Variants in AKT3 observed in about 807,000 individuals in gnomAD.
The protein encoded by AKT3 is RAC-gamma serine/threonine-protein kinase.
In AKT3, 15 loss-of-function variants were observed where a neutral mutation model predicts 65.3. That is an observed-to-expected ratio of 0.23 (90% CI 0.15 to 0.35). The LOEUF (loss-of-function observed/expected upper bound fraction) is 0.35, where lower values mean the gene tolerates loss of function less well. Among genes scored for constraint, AKT3 ranks in the 10% least tolerant of loss-of-function variants. The pLI, the probability that AKT3 is intolerant of heterozygous loss-of-function variation, is 1.00. For missense variants in AKT3, 243 were observed against 576.5 expected, an observed-to-expected ratio of 0.42 and a Z score of 5.92; for synonymous variants, 206 against 183.8, an observed-to-expected ratio of 1.12 and a Z score of -0.98.
intron 9 of AKT3, 108 bp downstream of exon 9, chr1:243,572,818 C>G: frequency 8.3e-7 from 1 of 1,204,580 alleles, no homozygotes; most frequent in Non-Finnish European, 1.1e-6. Context: ...GTGCTTTTTT[C>G]CCAACTAAAT....
At chr1:243,685,283 T>C (rs1161991114) in intron 3 of AKT3, among the ~76,000 whole-genome samples, 1 of 152,230 alleles carries the variant, frequency 6.6e-6, no homozygotes. Context: ...TTTATGGTTT[T>C]ACAGTTTTAG....
intron 2 of AKT3, among the ~76,000 whole-genome samples, chr1:243,720,875 T>G (rs1185172799): frequency 6.6e-6 from 1 of 152,150 alleles, no homozygotes; most frequent in African/African-American, 2.4e-5. Flanking sequence ...TTTAAAGTAC[T>G]TGCCACACCA....
At position 243,566,654 on chromosome 1, in the gene AKT3, T is replaced by A. The variant is rs1024986839; in HGVS notation, c.820-2806A>T. ...TGAGCTTTATCCCTTATTCACTGTGTGACCTTGGGCATATTATTAATTTCT... is the reference window on the plus strand; with the variant it reads ...TGAGCTTTATCCCTTATTCACTGTGAGACCTTGGGCATATTATTAATTTCT... On this transcript the variant is annotated intron_variant, in intron 9 of 13. Coordinates refer to ENST00000673466, the MANE Select transcript of AKT3 (RefSeq NM_005465.7). 2.0e-5 allele frequency among the ~76,000 whole-genome samples: 3 copies of A among 152,174 alleles called. No individual in the cohort carries two copies. In the East Asian group the frequency reaches 5.8e-4, roughly 29 times the overall value.
At chr1:243,547,127 T>C (rs1010937018) in intron 11 of AKT3, among the ~76,000 whole-genome samples, 14 of 151,742 alleles carry the variant, frequency 9.2e-5, no homozygotes, top group Admixed American at 5.9e-4. Context: ...TCATAGTATT[T>C]GCCAATTCTG....
chr1:243,744,333 GT>G (rs1286292594), intron 2 of AKT3, among the ~76,000 whole-genome samples: 1 of 152,250 alleles, frequency 6.6e-6, no homozygotes, highest in East Asian at 1.9e-4. Flanking sequence ...TGGTAATATT[GT>G]TTTTTAAATA....
chr1:243,813,482 T>C (rs1232835234), intron 2 of AKT3, among the ~76,000 whole-genome samples: 1 of 145,698 alleles, frequency 6.9e-6, no homozygotes, highest in Non-Finnish European at 1.5e-5. Context: ...CAAACGCCTA[T>C]GGAAATAAAA....
At chr1:243,626,249 T>C (rs1421518982) in intron 6 of AKT3, among the ~76,000 whole-genome samples, 4 of 152,136 alleles carry the variant, frequency 2.6e-5, no homozygotes, top group African/African-American at 9.7e-5. Context: ...CACAAGTGAA[T>C]GGGTAACACA....
chr1:243,850,412 A>G (rs1009389534), upstream of AKT3, among the ~76,000 whole-genome samples: 27 of 150,808 alleles, frequency 1.8e-4, no homozygotes, highest in African/African-American at 6.3e-4. Flanking sequence ...ATTCATCACC[A>G]GAAAACACCG....
At chr1:243,649,311 A>ATATGTGTGTGTGTGTGTGTGTGTGTG (rs1681089763) in intron 4 of AKT3, among the ~76,000 whole-genome samples, 1 of 58,352 alleles carries the variant, frequency 1.7e-5, no homozygotes, top group Non-Finnish European at 4.8e-5. Flanking sequence ...TGTTATGTGT[A>ATATGTGTGTGTGTGTGTGTGTGTGTG]TATGTGTGTG....
At chr1:243,793,861 T>C (rs2148344446) in intron 2 of AKT3, among the ~76,000 whole-genome samples, 1 of 152,206 alleles carries the variant, frequency 6.6e-6, no homozygotes, top group Non-Finnish European at 1.5e-5. Flanking sequence ...TCATCTACTT[T>C]AACATCCATT....
chr1:243,616,559 A>G (rs944956989), intron 6 of AKT3, among the ~76,000 whole-genome samples: 42 of 152,176 alleles, frequency 2.8e-4, no homozygotes, highest in Admixed American at 2.2e-3. Context: ...TGAAACGAAC[A>G]CAGCATCTCT....
intron 2 of AKT3, among the ~76,000 whole-genome samples, chr1:243,775,004 A>C (rs1381725670): frequency 6.6e-6 from 1 of 152,182 alleles, no homozygotes; most frequent in Non-Finnish European, 1.5e-5. Context: ...CTAGGACTAC[A>C]GGTGTGTGCC....
At chr1:243,815,776 A>AGTTGTTGTTGTTGTT (rs145906932) in intron 2 of AKT3, among the ~76,000 whole-genome samples, 2,994 of 147,106 alleles carry the variant, frequency 0.02, 48 homozygotes, top group Middle Eastern at 0.038. Flanking sequence ...ACACCCAGCT[A>AGTTGTTGTTGTTGTT]GTTGTTGTTG....
In AKT3 at chr1:243,580,400, AG is replaced by A. The variant is rs767042323; in HGVS notation, c.697-7353del. ...GGCCTGGAGTCACTGTGACGGAAAA[AG>A]CTGAAGGCATTTTTCCAGACCCGGG... On this transcript the variant is annotated intron_variant, in intron 8 of 13. Coordinates refer to ENST00000673466, the MANE Select transcript of AKT3 (RefSeq NM_005465.7). Among the ~76,000 whole-genome samples, 11 of 152,278 alleles carry A rather than the reference AG, an allele frequency of 7.2e-5. No individual in the cohort carries two copies. The East Asian group carries it at 9.6e-4, about 13-fold the overall frequency.
rs757338728 is a variant in AKT3, at chr1:243,512,342, T to C, written c.1336A>G (p.Ile446Val). 3.9e-5 allele frequency: 60 copies of C among 1,536,452 alleles called. No individual in the cohort carries two copies. Among genetic ancestry groups the C allele is most frequent in the Non-Finnish European group, 5.2e-5 (59 of 1,130,218 alleles). ...TACTTACATTTTTCAGGTGGTGTTA[T>C]TGTAATAGTCTGAGCTGTAAATTCT... ...DEEFTAQTITITPPEKYDEDG... is the reference protein window; with the variant it reads ...DEEFTAQTITVTPPEKYDEDG... The change falls in exon 13 of 14, where the codon ATA becomes GTA. Residue 446 changes from isoleucine to valine, a missense_variant. Ile to Val is a conservative substitution (Grantham distance 29). This residue lies in a region of AKT3 where 57 missense variants were observed against 107.6 expected (regional missense o/e 0.53). Transcript: ENST00000673466.
intron 8 of AKT3, among the ~76,000 whole-genome samples, chr1:243,573,846 G>A (rs548950649): frequency 6.6e-6 from 1 of 152,112 alleles, no homozygotes; most frequent in South Asian, 2.1e-4. Context: ...CCAAGTACAC[G>A]GCTCTCCAAT....
In AKT3 at chr1:243,703,809, T is replaced by G. The variant is rs1428502597; in HGVS notation, c.47-8093A>C. The stretch of plus-strand genomic sequence containing the variant: ...AGAAAAATATCCTGAAGAATTTTGT[T>G]CATATTATCTACATTGCAATAAACT... On this transcript the variant is annotated intron_variant, in intron 2 of 13. Transcript: ENST00000673466. Among the ~76,000 whole-genome samples the G allele has an allele frequency of 2.6e-5, 4 of 151,740 alleles. No homozygotes were observed. In the East Asian group the frequency reaches 7.7e-4, roughly 29 times the overall value.
chr1:243,494,977 G>A (rs1316903968), downstream of AKT3, among the ~76,000 whole-genome samples: 1 of 152,202 alleles, frequency 6.6e-6, no homozygotes, highest in Non-Finnish European at 1.5e-5. Flanking sequence ...TCCACTCTCT[G>A]CTGTTGGTGA....
chr1:243,689,803 G>A (rs943898260), intron 3 of AKT3, among the ~76,000 whole-genome samples: 1 of 151,992 alleles, frequency 6.6e-6, no homozygotes, highest in Non-Finnish European at 1.5e-5. Context: ...AAACTGGCCA[G>A]ATGAGGTGGC....
Sources: allele counts gnomAD v4.1 joint callset (sites outside exome capture counted in the v4.1 genomes callset), GRCh38; gene constraint gnomAD v4.1.1; regional missense constraint gnomAD v4.1.1; transcripts MANE v1.5; gene names NCBI Gene and HGNC (gene_info 2026-07-23, HGNC 2026-07-21).